RNF10: variants seen among roughly 807,000 people sequenced by gnomAD.
The protein encoded by RNF10 is ring finger protein 10, also known as E3 ubiquitin-protein ligase RNF10.
RNF10 carries 38 observed loss-of-function variants against 91.4 expected under a neutral mutation model. That is an observed-to-expected ratio of 0.42 (90% CI 0.32 to 0.54). The LOEUF is 0.54. RNF10 is among the 20% of genes least tolerant of loss of function. The pLI, the probability that RNF10 is intolerant of heterozygous loss-of-function variation, is 0.16. For synonymous variants in RNF10, 364 were observed against 366.3 expected, an observed-to-expected ratio of 0.99 and a Z score of 0.07; for missense variants, 945 against 1,012.0, an observed-to-expected ratio of 0.93 and a Z score of 0.90.
intron 2 of RNF10, among the ~76,000 whole-genome samples, chr12:120,549,590 G>A (rs1010386701): frequency 1.3e-5 from 2 of 152,106 alleles, no homozygotes; most frequent in African/African-American, 4.8e-5. Flanking sequence ...TTTGAGACGG[G>A]CCTGGCTAAT....
chr12:120,545,794 C>G (rs535993466), intron 1 of RNF10, among the ~76,000 whole-genome samples: 1 of 152,362 alleles, frequency 6.6e-6, no homozygotes, highest in East Asian at 1.9e-4. Flanking sequence ...CTGCCTCGGC[C>G]TTCCAAAGTG....
chr12:120,549,120 G>C (rs546598102), intron 2 of RNF10, among the ~76,000 whole-genome samples: 27 of 152,238 alleles, frequency 1.8e-4, no homozygotes, highest in African/African-American at 6.5e-4. Context: ...AGTTGTCTTA[G>C]ATAGGAACTC....
Position 120,534,547 on chromosome 12 carries a change from C to A in RNF10, c.-265C>A. 3.4e-6 allele frequency: 2 copies of A among 596,448 alleles called. No individual in the cohort carries two copies. Among genetic ancestry groups the A allele is most frequent in the Non-Finnish European group, 4.8e-6 (2 of 418,882 alleles). The allele number at this position is 596,448 out of a possible 1,614,324, so 36.9% of individuals were successfully genotyped here. ...CAACCTCCCTCGCCTCCCCTTCCCCCGCAGCCTCCGCCCCGCCAGGCCCGG... is the reference window on the plus strand; with the variant it reads ...CAACCTCCCTCGCCTCCCCTTCCCCAGCAGCCTCCGCCCCGCCAGGCCCGG... On this transcript the variant is annotated 5_prime_UTR_variant, in exon 1 of 17. Transcript: ENST00000325954.
chr12:120,567,885 G>GTA (rs920467744), intron 13 of RNF10, among the ~76,000 whole-genome samples: 41 of 150,514 alleles, frequency 2.7e-4, no homozygotes, highest in East Asian at 9.7e-4. Flanking sequence ...GTGTGTGTAT[G>GTA]TATATATATA....
intron 9 of RNF10, 47 bp downstream of exon 9, chr12:120,563,670 G>C (rs1875252509): frequency 2.5e-6 from 4 of 1,569,974 alleles, no homozygotes; most frequent in Non-Finnish European, 3.5e-6. Context: ...AGGTGTTTCA[G>C]AGGTGACCCG....
intron 6 of RNF10, among the ~76,000 whole-genome samples, chr12:120,558,159 A>G (rs1418622839): frequency 6.6e-6 from 1 of 152,250 alleles, no homozygotes; most frequent in Non-Finnish European, 1.5e-5. Flanking sequence ...AATAAATGGT[A>G]TTGAAACAAT....
chr12:120,545,243 C>T (rs1419370138), intron 1 of RNF10, among the ~76,000 whole-genome samples: 9 of 152,158 alleles, frequency 5.9e-5, no homozygotes, highest in African/African-American at 1.4e-4. Context: ...TGCAGTGGCA[C>T]GATCTCAGCT....
At chr12:120,572,995 A>G (rs1331294169) in intron 14 of RNF10, among the ~76,000 whole-genome samples, 1 of 147,162 alleles carries the variant, frequency 6.8e-6, no homozygotes, top group African/African-American at 2.5e-5. Flanking sequence ...GAATAGTATT[A>G]TGAACACTTA....
At chr12:120,567,151 T>C (rs559321472) in intron 13 of RNF10, among the ~76,000 whole-genome samples, 171 bp downstream of exon 13, 1 of 152,300 alleles carries the variant, frequency 6.6e-6, no homozygotes. Flanking sequence ...TCCCACTTGC[T>C]ATACTGACTG....
In RNF10 at chr12:120,563,804, C is replaced by T. The variant is rs200710725; in HGVS notation, c.1532-6C>T. 3.1e-6 allele frequency: 5 copies of T among 1,613,902 alleles called. No individual in the cohort carries two copies. Among genetic ancestry groups the T allele is most frequent in the East Asian group, 4.5e-5 (2 of 44,886 alleles). ...ACTGGTGTGTGATAGAGCCCCTTGT[C>T]CTCAGCGGAAGATGGACAGCATATG... is the stretch of plus-strand genomic sequence containing the variant. On this transcript the variant is annotated splice_region_variant and splice_polypyrimidine_tract_variant and intron_variant, in intron 9 of 16. Coordinates refer to ENST00000325954, the MANE Select transcript of RNF10 (RefSeq NM_014868.5).
At chr12:120,568,091 G>A (rs974219826) in intron 13 of RNF10, among the ~76,000 whole-genome samples, 5 of 151,782 alleles carry the variant, frequency 3.3e-5, no homozygotes, top group East Asian at 1.9e-4. Flanking sequence ...CAAAAAATAC[G>A]AAATTTAGCC....
At chr12:120,560,154 G>GTTT (rs71076633) in intron 6 of RNF10, among the ~76,000 whole-genome samples, 5 of 132,404 alleles carry the variant, frequency 3.8e-5, no homozygotes, top group Non-Finnish European at 6.4e-5. Flanking sequence ...GGTTTTTTTT[G>GTTT]TTTTTTTTTT....
At chr12:120,562,631 G>C (rs902519699) in intron 7 of RNF10, among the ~76,000 whole-genome samples, 1 of 152,106 alleles carries the variant, frequency 6.6e-6, no homozygotes, top group Non-Finnish European at 1.5e-5. Context: ...CCAGTAATGG[G>C]ATTGCTGGGT....
At chr12:120,551,290 GTTTT>G (rs63002361) in intron 2 of RNF10, among the ~76,000 whole-genome samples, 2 of 83,220 alleles carry the variant, frequency 2.4e-5, no homozygotes, top group African/African-American at 4.7e-5. Flanking sequence ...CCATCCTAGT[GTTTT>G]TTTTTTTTTT....
intron 1 of RNF10, chr12:120,539,513 C>T (rs928218735): frequency 1.0e-6 from 1 of 957,382 alleles, no homozygotes; most frequent in South Asian, 1.3e-5. Flanking sequence ...GCAGCAGAAA[C>T]TTGCTGACTG....
rs1194830046 is a variant in RNF10, at chr12:120,563,474, A to C, written c.1382A>C (p.Glu461Ala). ...GAAGCAGTGTCTGAACCAGAGCCTG[A>C]GGGGTTGCCAGAGGCCTGTGATGAC... ...EEEAVSEPEPEGLPEACDDLE... is the reference protein window; with the variant it reads ...EEEAVSEPEPAGLPEACDDLE... Residue 461 changes from glutamate to alanine, a missense_variant, in exon 9 of 17, where the codon GAG becomes GCG. Transcript: ENST00000325954. The C allele has an allele frequency of 6.2e-7, 1 of 1,614,100 alleles. No individual in the cohort carries two copies. Among genetic ancestry groups the C allele is most frequent in the South Asian group, 1.1e-5 (1 of 91,086 alleles).
chr12:120,541,791 A>G (rs1418687496), intron 1 of RNF10, among the ~76,000 whole-genome samples: 1 of 151,066 alleles, frequency 6.6e-6, no homozygotes, highest in Admixed American at 6.6e-5. Context: ...GCAGTGGTGC[A>G]AACATAACTG....
chr12:120,558,575 A>AT (rs1299329760), intron 6 of RNF10, among the ~76,000 whole-genome samples: 2 of 147,990 alleles, frequency 1.4e-5, no homozygotes, highest in African/African-American at 5.0e-5. Flanking sequence ...ATGTATATAT[A>AT]TATTTTTTTT....
At chr12:120,536,132 T>C (rs1840911264) in intron 1 of RNF10, among the ~76,000 whole-genome samples, 1 of 151,994 alleles carries the variant, frequency 6.6e-6, no homozygotes, top group Non-Finnish European at 1.5e-5. Flanking sequence ...AAAAACTGTT[T>C]AGAGTGAGAC....
Sources: allele counts gnomAD v4.1 joint callset (sites outside exome capture counted in the v4.1 genomes callset), GRCh38; gene constraint gnomAD v4.1.1; transcripts MANE v1.5; gene names NCBI Gene and HGNC (gene_info 2026-07-23, HGNC 2026-07-21).